Variants in SLC4A4 observed in about 807,000 individuals in gnomAD.
SLC4A4 encodes solute carrier family 4 member 4, also known as electrogenic sodium bicarbonate cotransporter 1.
Under a neutral mutation model 111.5 loss-of-function variants are expected in SLC4A4, and 27 were observed. That is an observed-to-expected ratio of 0.24 (90% CI 0.18 to 0.33). The LOEUF (loss-of-function observed/expected upper bound fraction) is 0.33, where lower values mean the gene tolerates loss of function less well. Among genes scored for constraint, SLC4A4 ranks in the 10% least tolerant of loss-of-function variants. The pLI is 1.00. For missense variants in SLC4A4, 909 were observed against 1,315.5 expected (o/e 0.69, Z 4.78); for synonymous variants, 443 against 463.4 (o/e 0.96, Z 0.57).
intron 1 of SLC4A4, 104 bp from the exon 2 acceptor site, chr4:71,236,472 A>G (rs994893207): frequency 1.5e-5 from 16 of 1,040,700 alleles, no homozygotes; most frequent in South Asian, 1.1e-4. Context: ...CCCTGCTAAC[A>G]TGAACAACAG....
At chr4:71,408,431 G>C (rs560428214) in intron 7 of SLC4A4, among the ~76,000 whole-genome samples, 1 of 152,146 alleles carries the variant, frequency 6.6e-6, no homozygotes, top group East Asian at 1.9e-4. Context: ...TATTTAAATG[G>C]GCTACTGCTT....
chr4:71,414,522 C>T (rs1350158933), intron 7 of SLC4A4, among the ~76,000 whole-genome samples: 2 of 152,162 alleles, frequency 1.3e-5, no homozygotes, highest in East Asian at 3.8e-4. Flanking sequence ...TCTTGGTTGC[C>T]TACATTACCT....
chr4:71,379,301 C>T (rs924662099), intron 6 of SLC4A4, among the ~76,000 whole-genome samples: 6 of 152,148 alleles, frequency 3.9e-5, no homozygotes, highest in African/African-American at 9.7e-5. Flanking sequence ...CTCTGCCTAA[C>T]GCCCTAATCA....
At chr4:71,559,278 C>T (rs1288936878) in intron 22 of SLC4A4, among the ~76,000 whole-genome samples, 4 of 151,732 alleles carry the variant, frequency 2.6e-5, no homozygotes, top group Admixed American at 6.6e-5. Flanking sequence ...CTTTAATGTA[C>T]CTTCAGAAGT....
chr4:71,414,611 C>T (rs1192371783), intron 7 of SLC4A4, among the ~76,000 whole-genome samples: 1 of 152,214 alleles, frequency 6.6e-6, no homozygotes, highest in African/African-American at 2.4e-5. Context: ...GTTACCCCAA[C>T]TGGGGTATGT....
intron 20 of SLC4A4, among the ~76,000 whole-genome samples, chr4:71,548,689 G>T (rs549752061): frequency 6.6e-6 from 1 of 151,640 alleles, no homozygotes; most frequent in Non-Finnish European, 1.5e-5. Context: ...AATTTTAAAG[G>T]CTTTTAAAAT....
At chr4:71,354,640 G>A (rs1730124158) in intron 5 of SLC4A4, among the ~76,000 whole-genome samples, 1 of 151,740 alleles carries the variant, frequency 6.6e-6, no homozygotes, top group East Asian at 1.9e-4. Flanking sequence ...CTGTCACATG[G>A]CCATCATTCT....
intron 4 of SLC4A4, among the ~76,000 whole-genome samples, chr4:71,347,091 G>T (rs905469280): frequency 2.6e-5 from 4 of 152,004 alleles, no homozygotes; most frequent in African/African-American, 9.7e-5. Context: ...ATCCAGAAGG[G>T]TGAGTAATAC....
At chr4:71,116,895 A>G (rs1212523784) in intron 2 of SLC4A4, among the ~76,000 whole-genome samples, 1 of 151,848 alleles carries the variant, frequency 6.6e-6, no homozygotes, top group Non-Finnish European at 1.5e-5. Context: ...GTGAGCCAAG[A>G]CTGAGCCATT....
At chr4:71,231,671 A>G (rs972274089) in intron 1 of SLC4A4, among the ~76,000 whole-genome samples, 8 of 152,168 alleles carry the variant, frequency 5.3e-5, no homozygotes, top group East Asian at 3.9e-4. Flanking sequence ...TTCCAAATCT[A>G]TTCTGAACTT....
At chr4:71,209,158 C>T (rs902507382) in intron 1 of SLC4A4, among the ~76,000 whole-genome samples, 16 of 152,142 alleles carry the variant, frequency 1.1e-4, no homozygotes, top group Non-Finnish European at 5.9e-5. Context: ...TTTTTTCCCC[C>T]CATGCTCAAT....
chr4:71,241,971 A>G (rs1442856574), intron 2 of SLC4A4, among the ~76,000 whole-genome samples: 1 of 152,174 alleles, frequency 6.6e-6, no homozygotes, highest in Non-Finnish European at 1.5e-5. Flanking sequence ...GCTGCCTGAC[A>G]TCTCTTGCTG....
At chr4:71,088,967 G>A (rs886728946) in intron 1 of SLC4A4, among the ~76,000 whole-genome samples, 8 of 152,088 alleles carry the variant, frequency 5.3e-5, no homozygotes, top group Admixed American at 3.3e-4. Flanking sequence ...GCTAGATTGG[G>A]GAAGTTCTCA....
Position 71,071,132 on chromosome 4 carries a change from A to G in SLC4A4, c.-65+8344A>G, listed in dbSNP as rs1741647692. Among the ~76,000 whole-genome samples, 3 of 151,980 alleles carry G rather than the reference A, an allele frequency of 2.0e-5. 1 individual carries two copies. In the South Asian group the frequency reaches 6.2e-4, roughly 32 times the overall value. ...CTAAAAATACAAAAATTAGCTGACC[A>G]CAGTGGCACACTCCTGTACTCCCAG... On this transcript the variant is annotated intron_variant, in intron 1 of 26. Transcript: ENST00000649996.
intron 3 of SLC4A4, among the ~76,000 whole-genome samples, chr4:71,332,022 T>C (rs1245970939): frequency 6.6e-6 from 1 of 152,222 alleles, no homozygotes; most frequent in Non-Finnish European, 1.5e-5. Context: ...TCAGTTGTAA[T>C]GTCTGCCTAT....
intron 7 of SLC4A4, 62 bp from the exon 8 acceptor site, chr4:71,440,554 A>G: frequency 6.3e-7 from 1 of 1,586,176 alleles, no homozygotes; most frequent in East Asian, 2.2e-5. Context: ...CTCTGGAACT[A>G]ATAGTAATTC....
At chr4:71,349,445 A>G (rs1025913700) in intron 4 of SLC4A4, among the ~76,000 whole-genome samples, 12 of 152,204 alleles carry the variant, frequency 7.9e-5, no homozygotes, top group Non-Finnish European at 2.9e-5. Context: ...CATGTTTTTT[A>G]TGTCTGCGAT....
Position 71,392,371 on chromosome 4 carries a change from A to G in SLC4A4, c.731-5206A>G, listed in dbSNP as rs549199523. Among the ~76,000 whole-genome samples the G allele has an allele frequency of 2.6e-5, 4 of 152,204 alleles. No homozygotes were observed. The South Asian group carries it at 8.3e-4, about 32-fold the overall frequency. On this transcript the variant is annotated intron_variant, in intron 6 of 25. Transcript: ENST00000264485. ...TTAGAGCAGTAGCTTGGGGAGGGCA[A>G]GATTATTAGAATTATCCTCTGGCGA...
chr4:71,175,791 A>C (rs1745077016), intron 2 of SLC4A4, among the ~76,000 whole-genome samples: 1 of 152,220 alleles, frequency 6.6e-6, no homozygotes, highest in Non-Finnish European at 1.5e-5. Context: ...AATCCTCTGC[A>C]GACTTAAATG....
Sources: allele counts gnomAD v4.1 joint callset (sites outside exome capture counted in the v4.1 genomes callset), GRCh38; gene constraint gnomAD v4.1.1; transcripts MANE v1.5; gene names NCBI Gene and HGNC (gene_info 2026-07-23, HGNC 2026-07-21).